The following USH2A variants were observed in gnomAD, a reference collection of about 807,000 sequenced individuals.
The protein encoded by USH2A is usherin.
In USH2A, 443 loss-of-function variants were observed where a neutral mutation model predicts 538.9. That is an observed-to-expected ratio of 0.82 (90% CI 0.76 to 0.89). USH2A has a LOEUF of 0.89. USH2A is among the 40% of genes least tolerant of loss of function. The pLI is 0.00. For missense variants in USH2A, 6,633 were observed against 6,324.8 expected, an observed-to-expected ratio of 1.05 and a Z score of -1.65; for synonymous variants, 2,413 against 2,273.5, an observed-to-expected ratio of 1.06 and a Z score of -1.75.
chr1:216,243,087 C>T (rs2035968081), intron 13 of USH2A, among the ~76,000 whole-genome samples: 2 of 152,126 alleles, frequency 1.3e-5, no homozygotes, highest in African/African-American at 2.4e-5. Flanking sequence ...CTTTTCATAA[C>T]CAGGTTAATA....
chr1:216,078,067 A>T, intron 27 of USH2A, 22 bp downstream of exon 27: 1 of 1,613,390 alleles, frequency 6.2e-7, no homozygotes, highest in Non-Finnish European at 8.5e-7. Flanking sequence ...TGGATTTGTG[A>T]ATTCCTCCAG....
chr1:216,236,307 C>A (rs1572078274), intron 13 of USH2A, among the ~76,000 whole-genome samples: 2 of 152,024 alleles, frequency 1.3e-5, no homozygotes, highest in East Asian at 1.9e-4. Flanking sequence ...TTCCTAAGAC[C>A]CCTCATCCTT....
At chr1:215,806,765 T>C (rs1662514508) in intron 49 of USH2A, among the ~76,000 whole-genome samples, 1 of 152,026 alleles carries the variant, frequency 6.6e-6, no homozygotes, top group Non-Finnish European at 1.5e-5. Context: ...AAGATTGCAC[T>C]CCCCCATTTC....
chr1:215,848,268 T>C (rs963106738), intron 44 of USH2A, among the ~76,000 whole-genome samples: 1 of 152,190 alleles, frequency 6.6e-6, no homozygotes, highest in Non-Finnish European at 1.5e-5. Flanking sequence ...ACTAGATTTG[T>C]AGTTTATGTT....
chr1:215,886,794 T>C (rs1482568114), intron 41 of USH2A, among the ~76,000 whole-genome samples: 2 of 152,214 alleles, frequency 1.3e-5, no homozygotes, highest in Non-Finnish European at 2.9e-5. Flanking sequence ...CTGATACTTT[T>C]AATTATTGTT....
intron 14 of USH2A, among the ~76,000 whole-genome samples, chr1:216,220,747 A>C (rs997732234): frequency 3.3e-5 from 5 of 152,072 alleles, no homozygotes; most frequent in African/African-American, 1.2e-4. Flanking sequence ...GGCAAGGAGC[A>C]ATGGAAATGA....
intron 50 of USH2A, among the ~76,000 whole-genome samples, chr1:215,797,019 T>C (rs1018683010): frequency 6.6e-6 from 1 of 152,182 alleles, no homozygotes; most frequent in Non-Finnish European, 1.5e-5. Context: ...GTGGTCCAGG[T>C]AAGATTTCTA....
chr1:216,250,798 C>A (rs569230828), intron 12 of USH2A, 105 bp downstream of exon 12: 2 of 1,260,496 alleles, frequency 1.6e-6, no homozygotes, highest in South Asian at 1.3e-5. Context: ...TCCAGCCTGT[C>A]TTGAGCAAAG....
At chr1:215,938,195 C>A (rs1318337123) in intron 37 of USH2A, among the ~76,000 whole-genome samples, 3 of 152,106 alleles carry the variant, frequency 2.0e-5, no homozygotes, top group African/African-American at 7.2e-5. Flanking sequence ...AGTAACTATA[C>A]AGCTGAGTGA....
chr1:216,128,460 GC>G (rs1189809549), intron 21 of USH2A, among the ~76,000 whole-genome samples: 1 of 151,988 alleles, frequency 6.6e-6, no homozygotes, highest in Non-Finnish European at 1.5e-5. Flanking sequence ...AAATTATAAT[GC>G]CTTTCATATG....
At chr1:216,013,364 C>T (rs1668624549) in intron 32 of USH2A, among the ~76,000 whole-genome samples, 2 of 151,382 alleles carry the variant, frequency 1.3e-5, no homozygotes, top group African/African-American at 4.9e-5. Context: ...AAACATCGCC[C>T]ATTATCTCTC....
At chr1:215,741,166 G>T (rs1468252340) in intron 60 of USH2A, among the ~76,000 whole-genome samples, 1 of 151,596 alleles carries the variant, frequency 6.6e-6, no homozygotes, top group Non-Finnish European at 1.5e-5. Context: ...TTTTTTCCTT[G>T]GTTAATTTGT....
At chr1:215,817,245 T>A in intron 47 of USH2A, 50 bp from the exon 48 acceptor site, 1 of 1,573,748 alleles carries the variant, frequency 6.4e-7, no homozygotes, top group Non-Finnish European at 8.7e-7. Flanking sequence ...TATTTAACAT[T>A]GATGCTATCA....
Position 215,780,037 on chromosome 1 carries a change from A to G in USH2A, c.10745T>C (p.Val3582Ala). ...CGGAACTCCTTGGGTAGTAGCTGCA[A>G]CTACCTGAAGACGTAGGAATTAAGC... ...VAGCATSSKV[V>A]AATTQGVPES... Residue 3582 changes from valine to alanine, a missense_variant, in exon 55 of 72, where the codon GTT becomes GCT. Coordinates refer to ENST00000307340, the MANE Select transcript of USH2A (RefSeq NM_206933.4). 6.2e-7 allele frequency: 1 copy of G among 1,614,188 alleles called. No homozygotes were observed. Among genetic ancestry groups the G allele is most frequent in the South Asian group, 1.1e-5 (1 of 91,088 alleles).
rs985544961 is a variant in USH2A at position 215,750,191 on chromosome 1, C to T, written c.11390-6856G>A. ...CTTTTAACAAATCGAGCTAAATTCTCCACTGTATAGGTAGGGAAACCTTGA... is the reference window on the plus strand; with the variant it reads ...CTTTTAACAAATCGAGCTAAATTCTTCACTGTATAGGTAGGGAAACCTTGA... On this transcript the variant is annotated intron_variant, in intron 58 of 71. Transcript: ENST00000307340. 2.0e-5 allele frequency among the ~76,000 whole-genome samples: 3 copies of T among 152,172 alleles called. No individual in the cohort carries two copies. The South Asian group carries it at 6.2e-4, about 31-fold the overall frequency.
intron 71 of USH2A, among the ~76,000 whole-genome samples, chr1:215,628,036 G>A (rs1656122992): frequency 6.6e-6 from 1 of 152,150 alleles, no homozygotes; most frequent in African/African-American, 2.4e-5. Flanking sequence ...AATTATGAAA[G>A]ATGAAGCTTA....
intron 9 of USH2A, among the ~76,000 whole-genome samples, chr1:216,307,896 C>T (rs1251854492): frequency 6.6e-6 from 1 of 152,144 alleles, no homozygotes; most frequent in African/African-American, 2.4e-5. Context: ...GGAAGATCCC[C>T]CTTTCACACT....
At chr1:215,749,927 G>T (rs1660575998) in intron 58 of USH2A, among the ~76,000 whole-genome samples, 1 of 152,006 alleles carries the variant, frequency 6.6e-6, no homozygotes, top group Non-Finnish European at 1.5e-5. Flanking sequence ...ATGAAGTTAA[G>T]ATGTAATCAG....
At chr1:216,080,632 A>G (rs1039403381) in intron 26 of USH2A, among the ~76,000 whole-genome samples, 3 of 151,954 alleles carry the variant, frequency 2.0e-5, no homozygotes, top group African/African-American at 7.3e-5. Flanking sequence ...AAAAGAAAAA[A>G]CACTAAGGAA....
Sources: allele counts gnomAD v4.1 joint callset (sites outside exome capture counted in the v4.1 genomes callset), GRCh38; gene constraint gnomAD v4.1.1; transcripts MANE v1.5; gene names NCBI Gene and HGNC (gene_info 2026-07-23, HGNC 2026-07-21).